The following PLXNA4 variants were observed in gnomAD, a reference collection of about 807,000 sequenced individuals.
The protein encoded by PLXNA4 is plexin-A4.
A neutral mutation model predicts 191.8 loss-of-function variants in PLXNA4; 44 were observed. The ratio of observed to expected loss-of-function variants is 0.23; its 90% CI spans 0.18 to 0.29. The LOEUF (loss-of-function observed/expected upper bound fraction) is 0.29, where lower values mean the gene tolerates loss of function less well. Among genes scored for constraint, PLXNA4 ranks in the 10% least tolerant of loss-of-function variants. The pLI is 1.00. For synonymous variants in PLXNA4, 1,082 were observed against 1,009.5 expected, an observed-to-expected ratio of 1.07 and a Z score of -1.36; for missense variants, 1,800 against 2,488.8, an observed-to-expected ratio of 0.72 and a Z score of 5.89.
At chr7:132,311,202 G>GCGCGCGC (rs1554411105) in intron 3 of PLXNA4, among the ~76,000 whole-genome samples, 1 of 151,066 alleles carries the variant, frequency 6.6e-6, no homozygotes, top group Non-Finnish European at 1.5e-5. Context: ...GTGCGCGTGT[G>GCGCGCGC]GCCTAAAGGA....
At chr7:132,550,892 C>G (rs1215042236) in intron 1 of PLXNA4, among the ~76,000 whole-genome samples, 1 of 152,216 alleles carries the variant, frequency 6.6e-6, no homozygotes, top group Admixed American at 6.5e-5. Context: ...TCCATGCTGT[C>G]CCATAGACAC....
chr7:132,165,016 T>C, intron 23 of PLXNA4, 118 bp downstream of exon 23: 2 of 1,420,028 alleles, frequency 1.4e-6, no homozygotes, highest in Non-Finnish European at 1.9e-6. Flanking sequence ...TTCCATTTCT[T>C]GTGGGGTTAT....
At chr7:132,310,816 G>T (rs1801699061) in intron 3 of PLXNA4, among the ~76,000 whole-genome samples, 1 of 152,178 alleles carries the variant, frequency 6.6e-6, no homozygotes, top group African/African-American at 2.4e-5. Context: ...CACTTTCAAG[G>T]GGCACTGAGG....
chr7:132,264,042 C>T (rs1364097037), intron 4 of PLXNA4: 1 of 152,208 alleles, frequency 6.6e-6, no homozygotes, highest in South Asian at 2.1e-4. Context: ...ATCATTTTTC[C>T]TTTTTTGTTC....
chr7:132,168,339 C>T lies in PLXNA4; in HGVS notation c.4251G>A (p.Leu1417=), dbSNP rs913775288. The T allele has an allele frequency of 1.3e-6, 2 of 1,595,526 alleles. No homozygotes were observed. The highest frequency in any genetic ancestry group is 1.7e-6 in the Non-Finnish European group (2 of 1,168,960). ...QLLADLIDKN[L]ESKNHPKLLL... is the part of the protein sequence containing the mutation. Reference sequence around the variant, plus strand: ...GCAGCTTAGGGTGGTTCTTGCTCTCCAGGTTCTTGTCAATGAGGTCGGCCA... The same window carrying T: ...GCAGCTTAGGGTGGTTCTTGCTCTCTAGGTTCTTGTCAATGAGGTCGGCCA... Residue 1417 remains leucine (L), a synonymous_variant, in exon 22 of 32, where the codon CTG becomes CTA. Coordinates refer to ENST00000321063, the MANE Select transcript of PLXNA4 (RefSeq NM_020911.2).
At chr7:132,495,446 G>T (rs1177861070) in intron 2 of PLXNA4, among the ~76,000 whole-genome samples, 1 of 152,112 alleles carries the variant, frequency 6.6e-6, no homozygotes, top group Non-Finnish European at 1.5e-5. Flanking sequence ...ATCCTGAAGA[G>T]GCAGACCAGG....
At chr7:132,466,065 A>G (rs1796688237) in intron 3 of PLXNA4, among the ~76,000 whole-genome samples, 1 of 152,190 alleles carries the variant, frequency 6.6e-6, no homozygotes, top group African/African-American at 2.4e-5. Context: ...GAAGCCCCTC[A>G]GCTCAGCTTC....
In PLXNA4 at chr7:132,148,861, A is replaced by C. The variant is rs115730640; in HGVS notation, c.4661-215T>G. Among the ~76,000 whole-genome samples the C allele has an allele frequency of 5.0e-3, 758 of 152,296 alleles. 3 individuals carry two copies. The highest frequency in any genetic ancestry group is 0.017 in the African/African-American group (725 of 41,572). On this transcript the variant is annotated intron_variant, in intron 25 of 31. Transcript: ENST00000321063. ...CTAAGCCCAACAAACTATGTGACCA[A>C]AATGGGGCTAACATCACTTATCCAC...
intron 11 of PLXNA4, 83 bp downstream of exon 11, chr7:132,203,239 TC>T (rs1188799631): frequency 7.8e-7 from 1 of 1,277,428 alleles, no homozygotes; most frequent in Non-Finnish European, 1.1e-6. Flanking sequence ...GCAGAATGAC[TC>T]CCGCGAGAAT....
chr7:132,415,243 G>A (rs184253744), intron 3 of PLXNA4, among the ~76,000 whole-genome samples: 2 of 152,310 alleles, frequency 1.3e-5, no homozygotes, highest in Non-Finnish European at 1.5e-5. Flanking sequence ...TGGGGTCATC[G>A]CCCTGCTCCC....
At chr7:132,146,794 GA>G in intron 27 of PLXNA4, 94 bp from the exon 28 acceptor site, 2 of 1,555,606 alleles carry the variant, frequency 1.3e-6, no homozygotes, top group Admixed American at 3.5e-5. Flanking sequence ...AGAAGCCAAC[GA>G]CTGTCTGATC....
At chr7:132,211,505 T>G (rs1797800275) in intron 9 of PLXNA4, among the ~76,000 whole-genome samples, 1 of 152,218 alleles carries the variant, frequency 6.6e-6, no homozygotes, top group Non-Finnish European at 1.5e-5. Flanking sequence ...TGATGATTTC[T>G]TTGCCTGCTA....
intron 1 of PLXNA4, among the ~76,000 whole-genome samples, chr7:132,509,770 G>A (rs991044654): frequency 6.6e-6 from 1 of 152,126 alleles, no homozygotes; most frequent in African/African-American, 2.4e-5. Context: ...TACTACTGCA[G>A]GAGAAACTTT....
chr7:132,586,805 A>G (rs1802514000), intron 2 of PLXNA4, among the ~76,000 whole-genome samples: 1 of 152,176 alleles, frequency 6.6e-6, no homozygotes, highest in Non-Finnish European at 1.5e-5. Context: ...ATGTGCCTGT[A>G]GTCCTAGCTA....
intron 3 of PLXNA4, among the ~76,000 whole-genome samples, chr7:132,305,239 C>T (rs930207476): frequency 6.6e-5 from 10 of 152,124 alleles, no homozygotes; most frequent in Admixed American, 2.6e-4. Context: ...TCAATATTAA[C>T]GACTGGTGAG....
intron 2 of PLXNA4, among the ~76,000 whole-genome samples, chr7:132,632,235 CAAAAAAAAAA>C (rs398006359): frequency 1.1e-4 from 9 of 78,660 alleles, no homozygotes; most frequent in Non-Finnish European, 2.0e-4. Context: ...GACTCCATCT[CAAAAAAAAAA>C]AAAAAAAAAA....
intron 2 of PLXNA4, among the ~76,000 whole-genome samples, chr7:132,621,260 G>GTTTTT (rs371428336): frequency 3.8e-5 from 5 of 131,796 alleles, no homozygotes; most frequent in African/African-American, 6.0e-5. Flanking sequence ...TTTTTTTTTG[G>GTTTTT]TTTTTTTGTT....
chr7:132,532,902 A>G (rs1289960195), intron 1 of PLXNA4, among the ~76,000 whole-genome samples: 2 of 152,104 alleles, frequency 1.3e-5, no homozygotes, highest in African/African-American at 4.8e-5. Flanking sequence ...GAGACTAACT[A>G]TTTATTCCCT....
intron 9 of PLXNA4, among the ~76,000 whole-genome samples, chr7:132,222,667 A>G (rs1246615400): frequency 6.6e-6 from 1 of 152,182 alleles, no homozygotes; most frequent in African/African-American, 2.4e-5. Context: ...AGTGCAAGAA[A>G]CACTGTCATG....
Sources: allele counts gnomAD v4.1 joint callset (sites outside exome capture counted in the v4.1 genomes callset), GRCh38; gene constraint gnomAD v4.1.1; transcripts MANE v1.5; gene names NCBI Gene and HGNC (gene_info 2026-07-23, HGNC 2026-07-21).